RIOX2: variants seen among roughly 807,000 people sequenced by gnomAD.
RIOX2 encodes ribosomal oxygenase 2, also known as 60S ribosomal protein L27a histidine hydroxylase.
A neutral mutation model predicts 51.2 loss-of-function variants in RIOX2; 43 were observed. That is an observed-to-expected ratio of 0.84 (90% CI 0.66 to 1.08). RIOX2 has a LOEUF of 1.08. RIOX2 is among the 50% of genes least tolerant of loss of function. The pLI is 0.00. For missense variants in RIOX2, 566 were observed against 561.7 expected, an observed-to-expected ratio of 1.01 and a Z score of -0.08; for synonymous variants, 226 against 218.5, an observed-to-expected ratio of 1.03 and a Z score of -0.30.
intron 9 of RIOX2, chr3:97,945,590 C>A (rs989128780): frequency 6.6e-6 from 4 of 606,522 alleles, no homozygotes; most frequent in Non-Finnish European, 1.2e-5. Flanking sequence ...GCTACAGGTC[C>A]CAGCTAGTAT....
intron 6 of RIOX2, 112 bp downstream of exon 6, chr3:97,950,674 T>C (rs1304675838): frequency 1.8e-5 from 14 of 798,914 alleles, no homozygotes; most frequent in African/African-American, 1.4e-4. Context: ...TGCAGCACAG[T>C]AGACAAGCCT....
chr3:97,961,863 C>T (rs551691466), intron 2 of RIOX2, among the ~76,000 whole-genome samples, 155 bp from the exon 3 acceptor site: 2 of 152,262 alleles, frequency 1.3e-5, no homozygotes, highest in South Asian at 4.2e-4. Context: ...ACAGCCAATA[C>T]CCATGGTCTC....
chr3:97,943,338 T>G lies in RIOX2; in HGVS notation c.*1846A>C, dbSNP rs953706471. The G allele has an allele frequency of 1.1e-5, 15 of 1,358,116 alleles. No homozygotes were observed. The highest frequency in any genetic ancestry group is 1.6e-5 in the Non-Finnish European group (15 of 952,746). The allele number at this position is 1,358,116 out of a possible 1,614,324, so 84.1% of individuals were successfully genotyped here. The stretch of plus-strand genomic sequence containing the variant: ...GAGAGAATCAACATCCCTAGAAAGA[T>G]CCCTAGAAAGAGCAAAGAAGGAAAC... On this transcript the variant is annotated 3_prime_UTR_variant, in exon 10 of 10. Transcript: ENST00000394198.
intron 8 of RIOX2, among the ~76,000 whole-genome samples, chr3:97,946,991 A>G (rs2040382431): frequency 1.3e-5 from 2 of 152,144 alleles, no homozygotes; most frequent in Admixed American, 6.6e-5. Context: ...AAGGAGATGC[A>G]ACAATATCCA....
chr3:97,945,723 A>G lies in RIOX2; in HGVS notation c.1239+75T>C, dbSNP rs1575989317. 21 of 1,171,246 alleles carry G rather than the reference A, an allele frequency of 1.8e-5. No individual in the cohort carries two copies. The East Asian group carries it at 4.9e-4, about 28-fold the overall frequency. 72.6% of individuals were successfully genotyped at this position (1,171,246 alleles called of 1,614,324 possible). ...CAGCCATAAAAAGCATATTACCTGTAAATCAAAAATAATCAATTCTTCCCA... is the reference window on the plus strand; with the variant it reads ...CAGCCATAAAAAGCATATTACCTGTGAATCAAAAATAATCAATTCTTCCCA... On this transcript the variant is annotated intron_variant, in intron 9 of 9. Coordinates refer to ENST00000394198, the MANE Select transcript of RIOX2 (RefSeq NM_153182.4).
At chr3:97,945,533 G>C (rs2040334528) in intron 9 of RIOX2, 191 bp from the exon 10 acceptor site, 1 of 608,318 alleles carries the variant, frequency 1.6e-6, no homozygotes, top group Middle Eastern at 4.2e-4. Context: ...TATGTAGTAA[G>C]TGATATTAGT....
intron 3 of RIOX2, among the ~76,000 whole-genome samples, chr3:97,960,021 C>T (rs1438574498): frequency 6.6e-6 from 1 of 152,160 alleles, no homozygotes; most frequent in Admixed American, 6.5e-5. Flanking sequence ...CTAATTATCT[C>T]CACATGAGCA....
At chr3:97,972,231 G>C (rs1171313884) in intron 1 of RIOX2, 150 bp downstream of exon 1, 1 of 138,786 alleles carries the variant, frequency 7.2e-6, no homozygotes. Flanking sequence ...CGCAACCACA[G>C]CGCCGGCCAC....
Position 97,942,462 on chromosome 3 carries a change from C to G in RIOX2, c.*2722G>C, listed in dbSNP as rs1374285030. ...GTTAAAGGTGGGCCTTTGATGATAC[C>G]CAATGTTGTGTCCCTGGATATTAGT... is the stretch of plus-strand genomic sequence containing the variant. On this transcript the variant is annotated 3_prime_UTR_variant, in exon 10 of 10. Transcript: ENST00000394198. 1 of 1,590,670 alleles carries G rather than the reference C, an allele frequency of 6.3e-7. No individual in the cohort carries two copies. Among genetic ancestry groups the G allele is most frequent in the South Asian group, 1.1e-5 (1 of 87,374 alleles).
chr3:97,963,115 A>G (rs1044992909), intron 2 of RIOX2, among the ~76,000 whole-genome samples: 1 of 152,178 alleles, frequency 6.6e-6, no homozygotes, highest in Non-Finnish European at 1.5e-5. Context: ...GAACTGGGTC[A>G]ATATGAAAAA....
intron 3 of RIOX2, among the ~76,000 whole-genome samples, chr3:97,961,025 T>A (rs1013062231): frequency 3.3e-5 from 5 of 152,188 alleles, no homozygotes; most frequent in Non-Finnish European, 7.3e-5. Flanking sequence ...CACCTTATAT[T>A]AGGACAAAAA....
intron 2 of RIOX2, among the ~76,000 whole-genome samples, chr3:97,964,419 G>A (rs832084): frequency 0.25 from 37,488 of 151,760 alleles, 5,289 homozygotes; most frequent in African/African-American, 0.39. Context: ...GGCTGGGTGC[G>A]GTGGCTCATG....
chr3:97,961,807 T>C (rs1156896438), intron 2 of RIOX2, 99 bp from the exon 3 acceptor site: 9 of 1,301,722 alleles, frequency 6.9e-6, no homozygotes, highest in Non-Finnish European at 9.2e-6. Flanking sequence ...AGGAAGTCTT[T>C]ACTGCACAAC....
Position 97,945,301 on chromosome 3 carries a change from C to T in RIOX2, c.1281G>A (p.Leu427=), listed in dbSNP as rs751688604. ...TAGCTGGACTATTCCAAATTTGCTT[C>T]AGTGCATCCAAATGTGACAAAGGGA... ...LRFPLSHLDA[L]KQIWNSPAIS... is the part of the protein sequence containing the mutation. The change falls in exon 10 of 10, where the codon CTG becomes CTA. Residue 427 remains leucine (L), a synonymous_variant. Transcript: ENST00000394198. The T allele has an allele frequency of 8.1e-6, 13 of 1,612,244 alleles. No individual in the cohort carries two copies. The highest frequency in any genetic ancestry group is 3.3e-5 in the South Asian group (3 of 90,864).
chr3:97,955,801 A>G (rs1705430153), intron 4 of RIOX2, among the ~76,000 whole-genome samples: 1 of 152,336 alleles, frequency 6.6e-6, no homozygotes, highest in East Asian at 1.9e-4. Context: ...TCTAGGTAGT[A>G]TAGTGTACTA....
At chr3:97,952,170 G>A (rs1705276921) in intron 5 of RIOX2, 4 of 1,289,362 alleles carry the variant, frequency 3.1e-6, no homozygotes, top group African/African-American at 3.0e-5. Context: ...GGTACCTGAA[G>A]GAGCATTAGG....
chr3:97,950,962 G>T, intron 5 of RIOX2, 74 bp from the exon 6 acceptor site: 1 of 1,047,192 alleles, frequency 9.5e-7, no homozygotes, highest in Non-Finnish European at 1.4e-6. Flanking sequence ...AATACTTATT[G>T]CTAGTAAAGC....
At chr3:97,954,183 G>C in intron 5 of RIOX2, 2 of 527,972 alleles carry the variant, frequency 3.8e-6, no homozygotes, top group South Asian at 5.1e-5. Flanking sequence ...ATCCTACAGA[G>C]TCAGGTTCAT....
intron 1 of RIOX2, among the ~76,000 whole-genome samples, chr3:97,968,145 T>C (rs1271188465): frequency 1.3e-5 from 2 of 152,082 alleles, no homozygotes; most frequent in South Asian, 2.1e-4. Flanking sequence ...GTTGCGCAGG[T>C]CAATCAATGC....
Sources: allele counts gnomAD v4.1 joint callset (sites outside exome capture counted in the v4.1 genomes callset), GRCh38; gene constraint gnomAD v4.1.1; transcripts MANE v1.5; gene names NCBI Gene and HGNC (gene_info 2026-07-23, HGNC 2026-07-21).